The following TAB2 variants were observed in gnomAD, a reference collection of about 807,000 sequenced individuals.
TAB2 encodes TGF-beta activated kinase 1 (MAP3K7) binding protein 2, also known as TGF-beta-activated kinase 1 and MAP3K7-binding protein 2.
A neutral mutation model predicts 65.0 loss-of-function variants in TAB2; 3 were observed. That is an observed-to-expected ratio of 0.05 (90% confidence interval 0.02 to 0.12). The LOEUF is 0.12. Ranked by LOEUF, TAB2 falls within the 10% of genes least tolerant of loss-of-function variation. The pLI, the probability that TAB2 is intolerant of heterozygous loss-of-function variation, is 1.00. For synonymous variants in TAB2, 298 were observed against 285.1 expected (o/e 1.05, Z -0.46); for missense variants, 623 against 840.3 (o/e 0.74, Z 3.20).
intron 5 of TAB2, 68 bp from the exon 6 acceptor site, chr6:149,399,033 ATAC>A: frequency 7.6e-7 from 1 of 1,323,308 alleles, no homozygotes; most frequent in Non-Finnish European, 1.1e-6. Flanking sequence ...TTAGAAAGAA[ATAC>A]TTGTTTTAAA....
chr6:149,347,898 C>A (rs1420090577), intron 1 of TAB2, among the ~76,000 whole-genome samples: 2 of 151,998 alleles, frequency 1.3e-5, no homozygotes, highest in Non-Finnish European at 2.9e-5. Context: ...TAATATGATT[C>A]TTATTTTATG....
At chr6:149,273,558 C>A (rs1021104970) in intron 1 of TAB2, among the ~76,000 whole-genome samples, 2 of 152,132 alleles carry the variant, frequency 1.3e-5, no homozygotes, top group African/African-American at 4.8e-5. Context: ...GCAAGACTTT[C>A]CAAAAAGGGA....
chr6:149,253,210 C>A (rs563462153), intron 1 of TAB2: 1 of 152,186 alleles, frequency 6.6e-6, no homozygotes, highest in Non-Finnish European at 1.5e-5. Flanking sequence ...CCCATTGGGG[C>A]CAATGAAACA....
intron 1 of TAB2, among the ~76,000 whole-genome samples, chr6:149,364,777 T>G (rs1186058925): frequency 1.3e-5 from 2 of 150,836 alleles, no homozygotes; most frequent in Non-Finnish European, 2.9e-5. Flanking sequence ...CTGTTTGTTT[T>G]TTTAATCTGG....
chr6:149,248,997 A>G (rs1777799118), intron 1 of TAB2, among the ~76,000 whole-genome samples: 1 of 152,126 alleles, frequency 6.6e-6, no homozygotes, highest in African/African-American at 2.4e-5. Flanking sequence ...ACAGCAGAGG[A>G]GTGATGGTGG....
At chr6:149,398,229 A>G (rs1451306358) in intron 5 of TAB2, among the ~76,000 whole-genome samples, 167 bp downstream of exon 5, 1 of 152,202 alleles carries the variant, frequency 6.6e-6, no homozygotes, top group Non-Finnish European at 1.5e-5. Flanking sequence ...CCCCATCTCA[A>G]TGGCACTATC....
At chr6:149,326,474 T>G (rs1461807864) in intron 1 of TAB2, among the ~76,000 whole-genome samples, 4 of 152,002 alleles carry the variant, frequency 2.6e-5, no homozygotes, top group Non-Finnish European at 5.9e-5. Flanking sequence ...CATTAATCAT[T>G]GGATAAATGA....
Position 149,400,798 on chromosome 6 carries a change from C to G in TAB2, c.1939+1614C>G, listed in dbSNP as rs577653835. 3.2e-5 allele frequency: 36 copies of G among 1,138,488 alleles called. No individual in the cohort carries two copies. The African/African-American group carries it at 5.2e-4, about 16-fold the overall frequency. 70.5% of individuals were successfully genotyped at this position (1,138,488 alleles called of 1,614,324 possible). A position where few individuals can be genotyped will look rare whatever the true frequency, so the allele number is the denominator to read the frequency against. ...ATTCTGACTACTACAGTATAGTTTT[C>G]TCTATTCTTTTGTTTCCCCCTTCCA... On this transcript the variant is annotated intron_variant, in intron 6 of 6. Coordinates refer to ENST00000637181, the MANE Select transcript of TAB2 (RefSeq NM_001292034.3).
intron 3 of TAB2, among the ~76,000 whole-genome samples, 190 bp downstream of exon 3, chr6:149,379,708 A>C (rs1405613651): frequency 6.6e-6 from 1 of 152,106 alleles, no homozygotes; most frequent in East Asian, 1.9e-4. Flanking sequence ...TATTATTATA[A>C]AACTGGAAGT....
At chr6:149,369,475 G>A (rs944032044) in intron 1 of TAB2, among the ~76,000 whole-genome samples, 1 of 152,140 alleles carries the variant, frequency 6.6e-6, no homozygotes, top group Admixed American at 6.5e-5. Context: ...AATGCATTGG[G>A]TTTTGAATCA....
chr6:149,338,060 A>G (rs547724804), intron 1 of TAB2, among the ~76,000 whole-genome samples: 1 of 152,326 alleles, frequency 6.6e-6, no homozygotes, highest in Admixed American at 6.5e-5. Context: ...CCCTGAGGCC[A>G]GCTGTGTTTT....
At chr6:149,310,195 G>A (rs1470142437) in intron 1 of TAB2, among the ~76,000 whole-genome samples, 1 of 152,042 alleles carries the variant, frequency 6.6e-6, no homozygotes, top group Non-Finnish European at 1.5e-5. Context: ...AATTAGCCAG[G>A]CCTGATAGCA....
intron 1 of TAB2, among the ~76,000 whole-genome samples, chr6:149,276,808 A>G (rs1182978512): frequency 1.3e-5 from 2 of 152,180 alleles, no homozygotes; most frequent in African/African-American, 2.4e-5. Flanking sequence ...ATTTCTAGGA[A>G]TTTATCCTAC....
At chr6:149,393,468 C>G (rs531523345) in intron 3 of TAB2, among the ~76,000 whole-genome samples, 19 of 152,248 alleles carry the variant, frequency 1.2e-4, no homozygotes, top group African/African-American at 4.6e-4. Flanking sequence ...ACTCTTTAAC[C>G]TCAAAACACC....
chr6:149,406,740 CAG>C (rs1024158246), intron 6 of TAB2, among the ~76,000 whole-genome samples: 5 of 151,878 alleles, frequency 3.3e-5, no homozygotes, highest in African/African-American at 1.2e-4. Context: ...TTTTTTGAGA[CAG>C]AGTTTCGCTG....
chr6:149,376,010 A>G (rs536761177), intron 2 of TAB2, among the ~76,000 whole-genome samples: 2 of 152,130 alleles, frequency 1.3e-5, no homozygotes, highest in African/African-American at 4.8e-5. Flanking sequence ...TTTTTATCTC[A>G]TATCAAACTG....
intron 6 of TAB2, 53 bp from the exon 7 acceptor site, chr6:149,409,524 T>A (rs1034676479): frequency 1.3e-6 from 2 of 1,558,566 alleles, no homozygotes; most frequent in Non-Finnish European, 1.8e-6. Flanking sequence ...TGCCTGTAAT[T>A]TTTTAGACTT....
chr6:149,268,958 T>TAGCA (rs1778313373), intron 1 of TAB2, among the ~76,000 whole-genome samples: 1 of 152,200 alleles, frequency 6.6e-6, no homozygotes, highest in Admixed American at 6.5e-5. Context: ...GTCTGGGAGC[T>TAGCA]GGAAACCCTC....
chr6:149,331,517 T>G (rs1779785712), intron 1 of TAB2, among the ~76,000 whole-genome samples: 1 of 152,132 alleles, frequency 6.6e-6, no homozygotes, highest in African/African-American at 2.4e-5. Flanking sequence ...ATTTTTTTCT[T>G]CCCAATCTGT....
Sources: allele counts gnomAD v4.1 joint callset (sites outside exome capture counted in the v4.1 genomes callset), GRCh38; gene constraint gnomAD v4.1.1; transcripts MANE v1.5; gene names NCBI Gene and HGNC (gene_info 2026-07-23, HGNC 2026-07-21).